The following SLC24A2 variants were observed in gnomAD, a reference collection of about 807,000 sequenced individuals.
SLC24A2 encodes sodium/potassium/calcium exchanger 2.
SLC24A2 carries 36 observed loss-of-function variants against 62.0 expected under a neutral mutation model. The observed-to-expected ratio is 0.58, with a 90% CI of 0.44 to 0.77. The LOEUF (loss-of-function observed/expected upper bound fraction) is 0.77, where lower values mean the gene tolerates loss of function less well. Among genes scored for constraint, SLC24A2 ranks in the 30% least tolerant of loss-of-function variants. The pLI, the probability that SLC24A2 is intolerant of heterozygous loss-of-function variation, is 0.00. For synonymous variants in SLC24A2, 358 were observed against 294.0 expected (o/e 1.22, Z -2.23); for missense variants, 846 against 817.9 (o/e 1.03, Z -0.42).
chr9:20,251,320 GA>G, the SLC24A2 span, among the ~76,000 whole-genome samples: 1 of 142,226 alleles, frequency 7.0e-6, no homozygotes, highest in Non-Finnish European at 1.5e-5. Flanking sequence ...TATAGAAGCA[GA>G]ATGAGTCTAG....
intron 7 of SLC24A2, among the ~76,000 whole-genome samples, chr9:19,552,452 A>T (rs1335985823): frequency 6.6e-6 from 1 of 152,182 alleles, no homozygotes; most frequent in Non-Finnish European, 1.5e-5. Flanking sequence ...ATGCCCCAGA[A>T]ATAGGCATGG....
the SLC24A2 span, among the ~76,000 whole-genome samples, chr9:19,810,132 T>C: frequency 6.6e-6 from 1 of 152,182 alleles, no homozygotes; most frequent in South Asian, 2.1e-4. Flanking sequence ...GTAAGTGGTA[T>C]ACTGAAGTCT....
At chr9:19,543,225 T>C (rs562342105) in intron 8 of SLC24A2, among the ~76,000 whole-genome samples, 14 of 152,350 alleles carry the variant, frequency 9.2e-5, no homozygotes, top group African/African-American at 3.1e-4. Flanking sequence ...TAGAGGTGTT[T>C]ATAGTATTCT....
At chr9:19,978,346 G>C in the SLC24A2 span, among the ~76,000 whole-genome samples, 5 of 151,966 alleles carry the variant, frequency 3.3e-5, no homozygotes, top group African/African-American at 1.2e-4. Context: ...AAATTCTTAT[G>C]AACTATTGTT....
chr9:20,290,825 G>T, the SLC24A2 span, among the ~76,000 whole-genome samples: 5 of 152,250 alleles, frequency 3.3e-5, no homozygotes, highest in African/African-American at 7.2e-5. Context: ...CTGGGCAAGG[G>T]ATGGAGTCCT....
At chr9:20,105,607 A>T in the SLC24A2 span, among the ~76,000 whole-genome samples, 125 of 152,248 alleles carry the variant, frequency 8.2e-4, 1 homozygote, top group African/African-American at 2.9e-3. Flanking sequence ...TACTGGGTAC[A>T]TAATGAAATG....
the SLC24A2 span, among the ~76,000 whole-genome samples, chr9:20,184,529 C>G: frequency 6.6e-6 from 1 of 152,160 alleles, no homozygotes; most frequent in Non-Finnish European, 1.5e-5. Context: ...AGCCTGGCAA[C>G]AGAGCGAGAC....
At chr9:19,902,311 T>G in the SLC24A2 span, among the ~76,000 whole-genome samples, 1 of 152,178 alleles carries the variant, frequency 6.6e-6, no homozygotes, top group Admixed American at 6.5e-5. Context: ...GGATTTTATT[T>G]TTAGTTTACA....
At chr9:20,004,044 T>C in the SLC24A2 span, among the ~76,000 whole-genome samples, 3 of 152,152 alleles carry the variant, frequency 2.0e-5, no homozygotes, top group Admixed American at 6.5e-5. Flanking sequence ...GTAATTTTCT[T>C]TTCTTTGCCC....
At chr9:20,277,341 C>G in the SLC24A2 span, among the ~76,000 whole-genome samples, 2 of 151,706 alleles carry the variant, frequency 1.3e-5, no homozygotes, top group African/African-American at 2.4e-5. Context: ...ACCCATCTGA[C>G]AAAGGGCTAA....
chr9:19,566,048 G>A (rs1221767469), intron 7 of SLC24A2, among the ~76,000 whole-genome samples: 1 of 152,112 alleles, frequency 6.6e-6, no homozygotes, highest in Non-Finnish European at 1.5e-5. Flanking sequence ...TCAGGACATA[G>A]GCATGGGCAA....
chr9:19,721,275 G>A (rs1360316484), intron 2 of SLC24A2, among the ~76,000 whole-genome samples: 3 of 152,100 alleles, frequency 2.0e-5, no homozygotes, highest in Non-Finnish European at 4.4e-5. Context: ...TATATTCATA[G>A]AGACCCAGAG....
the SLC24A2 span, among the ~76,000 whole-genome samples, chr9:20,278,607 T>A: frequency 6.2e-4 from 94 of 152,328 alleles, no homozygotes; most frequent in Admixed American, 1.1e-3. Flanking sequence ...GACTTTATTT[T>A]CCATATCACT....
the SLC24A2 span, among the ~76,000 whole-genome samples, chr9:19,797,826 G>T: frequency 1.3e-5 from 2 of 152,284 alleles, no homozygotes; most frequent in South Asian, 4.1e-4. Context: ...GTGGGAAGGG[G>T]CAGTCTCCTG....
At chr9:19,947,514 G>C in the SLC24A2 span, among the ~76,000 whole-genome samples, 2 of 152,074 alleles carry the variant, frequency 1.3e-5, no homozygotes, top group South Asian at 4.2e-4. Flanking sequence ...AGTTCGGCCG[G>C]GTGTGGTGGC....
the SLC24A2 span, among the ~76,000 whole-genome samples, chr9:19,880,287 G>C: frequency 6.6e-6 from 1 of 152,156 alleles, no homozygotes; most frequent in Middle Eastern, 3.2e-3. Flanking sequence ...GAAGTAACTC[G>C]GGACTGGTTG....
At chr9:19,961,120 A>T in the SLC24A2 span, among the ~76,000 whole-genome samples, 1 of 126,832 alleles carries the variant, frequency 7.9e-6, no homozygotes, top group Non-Finnish European at 1.7e-5. Context: ...AGAAGAAAGG[A>T]GAGAGAGACA....
chr9:19,524,978 G>T (rs1182667453), intron 9 of SLC24A2, among the ~76,000 whole-genome samples: 1 of 152,074 alleles, frequency 6.6e-6, no homozygotes. Flanking sequence ...TGATTATTAA[G>T]AAAAACTATT....
At chr9:19,529,410 T>C (rs1036408539) in intron 8 of SLC24A2, among the ~76,000 whole-genome samples, 2 of 152,210 alleles carry the variant, frequency 1.3e-5, no homozygotes, top group African/African-American at 2.4e-5. Context: ...ATGTTTTCTT[T>C]ACTAATTTCA....
Sources: allele counts gnomAD v4.1 joint callset (sites outside exome capture counted in the v4.1 genomes callset), GRCh38; gene constraint gnomAD v4.1.1; transcripts MANE v1.5; gene names NCBI Gene and HGNC (gene_info 2026-07-23, HGNC 2026-07-21).